PSD3: variants seen among roughly 807,000 people sequenced by gnomAD.
The protein encoded by PSD3 is PH and SEC7 domain-containing protein 3.
PSD3 carries 49 observed loss-of-function variants against 105.5 expected under a neutral mutation model. That is an observed-to-expected ratio of 0.46 (90% CI 0.37 to 0.59). The LOEUF (loss-of-function observed/expected upper bound fraction) is 0.59. PSD3 is among the 20% of genes least tolerant of loss of function. The pLI is 0.00. For missense variants in PSD3, 1,561 were observed against 1,263.8 expected, an observed-to-expected ratio of 1.24 and a Z score of -3.57; for synonymous variants, 557 against 457.8, an observed-to-expected ratio of 1.22 and a Z score of -2.77.
intron 8 of PSD3, among the ~76,000 whole-genome samples, chr8:18,773,878 C>T (rs1343907695): frequency 1.3e-5 from 2 of 152,204 alleles, no homozygotes; most frequent in Admixed American, 6.5e-5. Context: ...AGTTCCAATA[C>T]ATGACTATAA....
chr8:19,039,717 C>G (rs966159580), intron 1 of PSD3, among the ~76,000 whole-genome samples: 2 of 152,124 alleles, frequency 1.3e-5, no homozygotes, highest in African/African-American at 2.4e-5. Flanking sequence ...ACATAAACAG[C>G]CTTCAAATGG....
chr8:18,563,283 CA>C (rs1287585221), intron 14 of PSD3, among the ~76,000 whole-genome samples: 1 of 152,094 alleles, frequency 6.6e-6, no homozygotes, highest in Non-Finnish European at 1.5e-5. Context: ...ATAATGCCCA[CA>C]AAACCTAACA....
intron 1 of PSD3, among the ~76,000 whole-genome samples, chr8:19,037,806 T>G (rs1207198182): frequency 6.6e-6 from 1 of 152,024 alleles, no homozygotes; most frequent in Non-Finnish European, 1.5e-5. Context: ...CCACCAGCTT[T>G]CTTGGTTTTC....
intron 12 of PSD3, among the ~76,000 whole-genome samples, chr8:18,588,676 C>T (rs1053087307): frequency 2.6e-5 from 4 of 152,172 alleles, no homozygotes; most frequent in South Asian, 2.1e-4. Context: ...ATCATAAATC[C>T]GGAGAAGCAA....
At chr8:18,821,556 C>G (rs1040834985) in intron 4 of PSD3, among the ~76,000 whole-genome samples, 1 of 151,828 alleles carries the variant, frequency 6.6e-6, no homozygotes, top group East Asian at 1.9e-4. Context: ...CCTAACAAAA[C>G]TGAATAATAT....
chr8:18,645,818 CA>C (rs1210377719), intron 10 of PSD3, among the ~76,000 whole-genome samples: 1 of 152,060 alleles, frequency 6.6e-6, no homozygotes, highest in African/African-American at 2.4e-5. Context: ...CTGTTTCTCC[CA>C]ACAATAAATG....
chr8:18,931,785 G>A (rs901719895), intron 2 of PSD3, among the ~76,000 whole-genome samples: 1 of 152,192 alleles, frequency 6.6e-6, no homozygotes, highest in African/African-American at 2.4e-5. Context: ...CTCAGAGCCT[G>A]TTTACTCTGA....
At chr8:18,561,597 G>C (rs897277931) in intron 14 of PSD3, among the ~76,000 whole-genome samples, 7 of 152,170 alleles carry the variant, frequency 4.6e-5, no homozygotes, top group Non-Finnish European at 8.8e-5. Context: ...TCAAAGAATA[G>C]AATTTAAGTG....
At chr8:18,578,996 T>G (rs560049492) in intron 12 of PSD3, among the ~76,000 whole-genome samples, 1 of 152,010 alleles carries the variant, frequency 6.6e-6, no homozygotes, top group African/African-American at 2.4e-5. Flanking sequence ...GCTTTTCTAG[T>G]TGATAATACA....
intron 4 of PSD3, among the ~76,000 whole-genome samples, chr8:18,824,145 C>T (rs1209339524): frequency 6.6e-6 from 1 of 152,156 alleles, no homozygotes; most frequent in South Asian, 2.1e-4. Flanking sequence ...TGCACTCTAG[C>T]CTGGGTGACA....
At chr8:18,540,146 C>G (rs1800080167) in intron 15 of PSD3, among the ~76,000 whole-genome samples, 1 of 152,158 alleles carries the variant, frequency 6.6e-6, no homozygotes, top group Non-Finnish European at 1.5e-5. Context: ...AAGTAGAAGT[C>G]TGCTAGGACA....
intron 9 of PSD3, among the ~76,000 whole-genome samples, chr8:18,745,372 A>C (rs1477448676): frequency 6.6e-6 from 1 of 152,216 alleles, no homozygotes; most frequent in Non-Finnish European, 1.5e-5. Context: ...AATTTTTAAA[A>C]TGTATTCAAC....
At chr8:18,677,717 A>G (rs116633242) in intron 9 of PSD3, among the ~76,000 whole-genome samples, 1,634 of 152,350 alleles carry the variant, frequency 0.011, 33 homozygotes, top group African/African-American at 0.038. Context: ...ACAGTAAAAC[A>G]TTAGAACATG....
chr8:18,894,783 C>T (rs1819031321), intron 2 of PSD3, among the ~76,000 whole-genome samples: 1 of 152,160 alleles, frequency 6.6e-6, no homozygotes, highest in Admixed American at 6.5e-5. Context: ...GAAAAAAATA[C>T]AAAGTAAACC....
rs540118698 is a variant in PSD3, at chr8:18,852,212, A to C, written c.1634+15462T>G. On this transcript the variant is annotated intron_variant, in intron 4 of 15. Transcript: ENST00000327040. ...TAGGCATTTTCACATACTTTATCTCATTTAATCTCAATAACCATGGAATAA... is the reference window on the plus strand; with the variant it reads ...TAGGCATTTTCACATACTTTATCTCCTTTAATCTCAATAACCATGGAATAA... Among the ~76,000 whole-genome samples, 24 of 152,284 alleles carry C rather than the reference A, an allele frequency of 1.6e-4. No individual in the cohort carries two copies. The East Asian group carries it at 4.4e-3, about 28-fold the overall frequency.
At chr8:18,935,820 C>T (rs1822086077) in intron 2 of PSD3, among the ~76,000 whole-genome samples, 1 of 152,026 alleles carries the variant, frequency 6.6e-6, no homozygotes, top group Non-Finnish European at 1.5e-5. Context: ...ATTCTTCAAA[C>T]CAAGAACATG....
intron 2 of PSD3, among the ~76,000 whole-genome samples, chr8:18,934,199 T>C (rs753410726): frequency 6.6e-6 from 1 of 152,194 alleles, no homozygotes; most frequent in African/African-American, 2.4e-5. Flanking sequence ...CCTGGGTTTC[T>C]TCAGCTGAGC....
chr8:18,890,270 T>C (rs1157999701), intron 2 of PSD3, among the ~76,000 whole-genome samples: 1 of 152,236 alleles, frequency 6.6e-6, no homozygotes, highest in Non-Finnish European at 1.5e-5. Flanking sequence ...TTTAATACTT[T>C]TTCAGTCTGG....
rs148836265 is a variant in PSD3, at chr8:18,867,530, T to C, written c.1634+144A>G. ...AGGTGTGTCTTTCCTGCCCTAAAAC[T>C]CAAATTACTTTTTACTCACATCATT... On this transcript the variant is annotated intron_variant, in intron 4 of 15. Transcript: ENST00000327040. 2.1e-5 allele frequency: 23 copies of C among 1,071,858 alleles called. No homozygotes were observed. The African/African-American group carries it at 3.0e-4, about 14-fold the overall frequency. The allele number at this position is 1,071,858 out of a possible 1,614,324, so 66.4% of individuals were successfully genotyped here.
Sources: gnomAD v4.1 joint callset for allele counts (sites outside exome capture counted in the v4.1 genomes callset) on GRCh38, gnomAD v4.1.1 for gene constraint, MANE v1.5 for transcripts, NCBI Gene and HGNC (gene_info 2026-07-23, HGNC 2026-07-21) for gene names.